IL1RAPL1: variants seen among roughly 807,000 people sequenced by gnomAD.
IL1RAPL1 encodes interleukin-1 receptor accessory protein-like 1.
Under a neutral mutation model 48.4 loss-of-function variants are expected in IL1RAPL1, and 3 were observed. The observed-to-expected ratio is 0.06, with a 90% CI of 0.03 to 0.16. IL1RAPL1 has a LOEUF of 0.16. Ranked by LOEUF, IL1RAPL1 falls within the 10% of genes least tolerant of loss-of-function variation. IL1RAPL1 has a pLI of 1.00. For missense variants in IL1RAPL1, 349 were observed against 530.6 expected (o/e 0.66, Z 3.36); for synonymous variants, 185 against 187.7 (o/e 0.99, Z 0.12).
intron 5 of IL1RAPL1, among the ~76,000 whole-genome samples, chrX:29,480,176 A>G (rs1022415952): frequency 9.2e-6 from 1 of 108,109 alleles, no homozygotes; most frequent in Non-Finnish European, 1.9e-5. Context: ...GCTGTTCTAT[A>G]TATTTCTGAC....
chrX:29,089,097 G>T, intron 2 of IL1RAPL1, among the ~76,000 whole-genome samples: 1 of 111,482 alleles, frequency 9.0e-6, no homozygotes, highest in East Asian at 2.8e-4. Flanking sequence ...ATTTTGTTTT[G>T]CTGGTGATTT....
At chrX:29,275,717 T>C (rs1447210007) in intron 2 of IL1RAPL1, among the ~76,000 whole-genome samples, 1 of 112,135 alleles carries the variant, frequency 8.9e-6, no homozygotes, top group Non-Finnish European at 1.9e-5. Flanking sequence ...GTGCTATACA[T>C]GGTTTTTGAC....
chrX:29,006,388 C>T (rs1925977843), intron 2 of IL1RAPL1, among the ~76,000 whole-genome samples: 1 of 109,544 alleles, frequency 9.1e-6, no homozygotes, highest in African/African-American at 3.3e-5. Flanking sequence ...GTGGCAGGTG[C>T]CTGTAATCCC....
chrX:28,624,812 C>A (rs1223807647), intron 1 of IL1RAPL1, among the ~76,000 whole-genome samples: 1 of 111,831 alleles, frequency 8.9e-6, no homozygotes, highest in Non-Finnish European at 1.9e-5. Context: ...TTTTTGTAGT[C>A]CCCAATGACT....
intron 5 of IL1RAPL1, among the ~76,000 whole-genome samples, chrX:29,643,810 A>G (rs183791965): frequency 1.3e-4 from 15 of 111,548 alleles, no homozygotes; most frequent in African/African-American, 4.6e-4. Context: ...TCTCAGGTAC[A>G]TTTTAGCCTT....
chrX:29,892,531 A>G (rs1301178235), intron 6 of IL1RAPL1, among the ~76,000 whole-genome samples: 2 of 112,761 alleles, frequency 1.8e-5, no homozygotes, highest in African/African-American at 6.4e-5. Context: ...GAATAAATGG[A>G]TAGAATTTAG....
At chrX:29,601,720 G>C (rs915612522) in intron 5 of IL1RAPL1, among the ~76,000 whole-genome samples, 1 of 112,325 alleles carries the variant, frequency 8.9e-6, no homozygotes, top group Non-Finnish European at 1.9e-5. Flanking sequence ...AATATAGAAT[G>C]CTTCTGTCTA....
At chrX:28,862,019 A>G (rs1921958328) in intron 2 of IL1RAPL1, among the ~76,000 whole-genome samples, 1 of 111,303 alleles carries the variant, frequency 9.0e-6, no homozygotes, top group African/African-American at 3.3e-5. Flanking sequence ...TTAAAGAGAG[A>G]CTGATTTAAT....
chrX:29,165,009 C>T (rs371402344), intron 2 of IL1RAPL1, among the ~76,000 whole-genome samples: 34 of 112,050 alleles, frequency 3.0e-4, no homozygotes, highest in East Asian at 2.0e-3. Flanking sequence ...TTTGTGATTA[C>T]GTCTTCAGGA....
In IL1RAPL1 at chrX:29,706,586, G is replaced by T. The variant is rs760112659; in HGVS notation, c.778+38082G>T. Among the ~76,000 whole-genome samples the T allele has an allele frequency of 9.8e-5, 11 of 111,833 alleles. No homozygotes were observed. In the Admixed American group the frequency reaches 1.0e-3, roughly 11 times the overall value. ...CAGTCAAATCTTAAAGCCCCAAAAT[G>T]ATCTCCTTTGACTCCATATCTCACA... On this transcript the variant is annotated intron_variant, in intron 6 of 10. Coordinates refer to ENST00000378993, the MANE Select transcript of IL1RAPL1 (RefSeq NM_014271.4).
intron 2 of IL1RAPL1, among the ~76,000 whole-genome samples, chrX:28,810,804 C>T (rs1394928499): frequency 9.1e-6 from 1 of 109,604 alleles, no homozygotes; most frequent in East Asian, 2.9e-4. Context: ...TTCTCATGCC[C>T]ACTGTCCTAT....
chrX:28,985,785 G>A (rs896256506), intron 2 of IL1RAPL1, among the ~76,000 whole-genome samples: 4 of 106,698 alleles, frequency 3.7e-5, no homozygotes, highest in Admixed American at 1.0e-4. Flanking sequence ...TCAGCCTCCC[G>A]AGTAGCTGGG....
chrX:29,363,177 ATTG>A (rs764869601), intron 3 of IL1RAPL1, among the ~76,000 whole-genome samples: 36 of 111,787 alleles, frequency 3.2e-4, no homozygotes, highest in Middle Eastern at 4.6e-3. Flanking sequence ...CATCTATTTC[ATTG>A]TTGTTTTTAG....
chrX:28,845,046 C>T (rs780475217), intron 2 of IL1RAPL1, among the ~76,000 whole-genome samples: 1 of 111,779 alleles, frequency 8.9e-6, no homozygotes, highest in African/African-American at 3.2e-5. Flanking sequence ...AAATATCACA[C>T]CTTTTCAGAA....
At chrX:29,797,925 A>G (rs1929783413) in intron 6 of IL1RAPL1, among the ~76,000 whole-genome samples, 1 of 111,694 alleles carries the variant, frequency 9.0e-6, no homozygotes, top group African/African-American at 3.3e-5. Flanking sequence ...GGGATTTATT[A>G]AATCTCAGCG....
chrX:29,550,368 G>A (rs765749174), intron 5 of IL1RAPL1, among the ~76,000 whole-genome samples: 2 of 110,359 alleles, frequency 1.8e-5, no homozygotes, highest in South Asian at 7.7e-4. Context: ...ATTCTTTTTT[G>A]TATTTTTAGT....
intron 2 of IL1RAPL1, among the ~76,000 whole-genome samples, chrX:29,146,101 A>C (rs896118324): frequency 8.9e-6 from 1 of 111,902 alleles, no homozygotes; most frequent in Non-Finnish European, 1.9e-5. Context: ...AGGCCAGAAT[A>C]CAAAATTACA....
At chrX:29,903,323 G>C (rs1203993693) in intron 6 of IL1RAPL1, among the ~76,000 whole-genome samples, 1 of 111,122 alleles carries the variant, frequency 9.0e-6, no homozygotes, top group African/African-American at 3.3e-5. Context: ...ATCTTAAATG[G>C]GGAGTCTTCG....
chrX:28,624,336 A>G (rs1197534170), intron 1 of IL1RAPL1, among the ~76,000 whole-genome samples: 6 of 111,616 alleles, frequency 5.4e-5, no homozygotes, highest in Admixed American at 4.8e-4. Context: ...GCAACATCTT[A>G]TGTCCCACAG....
Sources: gnomAD v4.1 joint callset for allele counts (sites outside exome capture counted in the v4.1 genomes callset) on GRCh38, gnomAD v4.1.1 for gene constraint, MANE v1.5 for transcripts, NCBI Gene and HGNC (gene_info 2026-07-23, HGNC 2026-07-21) for gene names.